PCDHGB6: variants seen among roughly 807,000 people sequenced by gnomAD.
The protein encoded by PCDHGB6 is protocadherin gamma subfamily B, 6.
A neutral mutation model predicts 59.1 loss-of-function variants in PCDHGB6; 51 were observed. The observed-to-expected ratio is 0.86, with a 90% CI of 0.69 to 1.09. PCDHGB6 has a LOEUF of 1.09. Ranked by LOEUF, PCDHGB6 falls within the 50% of genes least tolerant of loss-of-function variation. PCDHGB6 has a pLI of 0.00. For synonymous variants in PCDHGB6, 466 were observed against 495.1 expected (o/e 0.94, Z 0.78); for missense variants, 1,148 against 1,205.1 (o/e 0.95, Z 0.70).
chr5:141,428,180 C>A, intron 1 of PCDHGB6: 1 of 1,486,268 alleles, frequency 6.7e-7, no homozygotes, highest in Non-Finnish European at 9.2e-7. Flanking sequence ...TGACGGAGGA[C>A]AGCCGCCGCT....
At position 141,418,056 on chromosome 5, in the gene PCDHGB6, T is replaced by G. The variant is rs199996434; in HGVS notation, c.2418+7436T>G. ...GTCCTGGATGTGTCGGCTCGCGAGC[T>G]GCGAGTGAGCGCGGAGAAGCTGCAC... is the stretch of plus-strand genomic sequence containing the variant. On this transcript the variant is annotated intron_variant, in intron 1 of 3. Coordinates refer to ENST00000520790, the MANE Select transcript of PCDHGB6 (RefSeq NM_018926.3). 5.0e-5 allele frequency: 80 copies of G among 1,613,976 alleles called. No individual in the cohort carries two copies. The African/African-American group carries it at 7.5e-4, about 15-fold the overall frequency.
In PCDHGB6 at chr5:141,491,357, T is replaced by C; in HGVS notation, c.2419-3450T>C. 6.2e-7 allele frequency: 1 copy of C among 1,614,144 alleles called. No homozygotes were observed. Among genetic ancestry groups the C allele is most frequent in the South Asian group, 1.1e-5 (1 of 91,080 alleles). On this transcript the variant is annotated intron_variant, in intron 1 of 3. Transcript: ENST00000520790. This position sits in a 1 kb window ranked among gnomAD's most constrained non-coding sequence, Gnocchi z 6.9. ...CTAGCGACCGTCAGTCTCTTATCCCTAGTCACCTTCACCTTTCTGTCAGCG... is the reference window on the plus strand; with the variant it reads ...CTAGCGACCGTCAGTCTCTTATCCCCAGTCACCTTCACCTTTCTGTCAGCG...
chr5:141,421,782 C>A, intron 1 of PCDHGB6: 1 of 1,613,878 alleles, frequency 6.2e-7, no homozygotes, highest in Non-Finnish European at 8.5e-7. Context: ...AACTGCGGGG[C>A]AGAACGGATG....
chr5:141,435,396 G>A (rs562717014), intron 1 of PCDHGB6, among the ~76,000 whole-genome samples: 46 of 152,096 alleles, frequency 3.0e-4, no homozygotes, highest in African/African-American at 9.4e-4. Context: ...TTGCCATGAC[G>A]AAAAATGGTA....
rs374095590 is a variant in PCDHGB6, at chr5:141,431,523, T to C, written c.2418+20903T>C. On this transcript the variant is annotated intron_variant, in intron 1 of 3. Coordinates refer to ENST00000520790, the MANE Select transcript of PCDHGB6 (RefSeq NM_018926.3). This position sits in a 1 kb window ranked among gnomAD's most constrained non-coding sequence, Gnocchi z 4.8. ...TACCGCGCGAGCGTTCCGGAGAATC[T>C]GGCCTTGGGCACGCAGCTGCTTGTA... 13 of 1,613,952 alleles carry C rather than the reference T, an allele frequency of 8.1e-6. No homozygotes were observed. The African/African-American group carries it at 1.5e-4, about 18-fold the overall frequency.
rs753256077 is a variant in PCDHGB6 at position 141,431,467 on chromosome 5, C to A, written c.2418+20847C>A. On this transcript the variant is annotated intron_variant, in intron 1 of 3. Coordinates refer to ENST00000520790, the MANE Select transcript of PCDHGB6 (RefSeq NM_018926.3). The surrounding 1 kb of genome is among the most constrained non-coding windows in gnomAD (Gnocchi z 4.8). The stretch of plus-strand genomic sequence containing the variant: ...TCCGCGTGATGGTTCTGGATGCGAA[C>A]GACAACGCACCAGCGTTTGCTCAGC... 1.9e-5 allele frequency: 31 copies of A among 1,613,684 alleles called. No homozygotes were observed. The highest frequency in any genetic ancestry group is 3.4e-6 in the Non-Finnish European group (4 of 1,179,964).
In PCDHGB6 at chr5:141,489,522, C is replaced by T. The variant is rs371948070; in HGVS notation, c.2419-5285C>T. 2.5e-6 allele frequency: 4 copies of T among 1,614,088 alleles called. No individual in the cohort carries two copies. Among genetic ancestry groups the T allele is most frequent in the Non-Finnish European group, 3.4e-6 (4 of 1,180,036 alleles). On this transcript the variant is annotated intron_variant, in intron 1 of 3. Coordinates refer to ENST00000520790, the MANE Select transcript of PCDHGB6 (RefSeq NM_018926.3). The surrounding 1 kb of genome is among the most constrained non-coding windows in gnomAD (Gnocchi z 4.5). ...TGAATCAAAAGATTGACCGAGAAAG[C>T]CTATGTGGAGCCAGCACCAGCTGCC...
At chr5:141,423,712 T>C (rs1231796741) in intron 1 of PCDHGB6, 2 of 1,313,518 alleles carry the variant, frequency 1.5e-6, no homozygotes, top group Admixed American at 3.2e-5. Flanking sequence ...CACAAGTCTT[T>C]TAAGGAGATG....
Position 141,423,601 on chromosome 5 carries a change from C to T in PCDHGB6, c.2418+12981C>T, listed in dbSNP as rs372165060. On this transcript the variant is annotated intron_variant, in intron 1 of 3. Transcript: ENST00000520790. The stretch of plus-strand genomic sequence containing the variant: ...GGAGAGCTGTGAGAAAAGCGAGCCA[C>T]TCTTGATAGCTGAAGACTCAGCTAT... The T allele has an allele frequency of 1.9e-6, 3 of 1,612,586 alleles. No homozygotes were observed. Among genetic ancestry groups the T allele is most frequent in the Admixed American group, 1.7e-5 (1 of 59,924 alleles).
At chr5:141,421,767 C>T in intron 1 of PCDHGB6, 2 of 1,613,906 alleles carry the variant, frequency 1.2e-6, no homozygotes, top group South Asian at 1.1e-5. Context: ...ATTACTTTTC[C>T]TTGCAACTGC....
At position 141,491,369 on chromosome 5, in the gene PCDHGB6, CCTTT is replaced by C; in HGVS notation, c.2419-3435_2419-3432del. ...AGTCTCTTATCCCTAGTCACCTTCACCTTTCTGTCAGCGAAGTGCCTTCAGGGAA... is the reference window on the plus strand; with the variant it reads ...AGTCTCTTATCCCTAGTCACCTTCACCTGTCAGCGAAGTGCCTTCAGGGAA... On this transcript the variant is annotated intron_variant, in intron 1 of 3. Transcript: ENST00000520790. The surrounding 1 kb of genome is among the most constrained non-coding windows in gnomAD (Gnocchi z 6.9). 1 of 1,614,110 alleles carries C rather than the reference CCTTT, an allele frequency of 6.2e-7. No individual in the cohort carries two copies. Among genetic ancestry groups the C allele is most frequent in the Non-Finnish European group, 8.5e-7 (1 of 1,179,996 alleles).
chr5:141,429,638 A>G (rs2097231013), intron 1 of PCDHGB6, among the ~76,000 whole-genome samples: 1 of 152,238 alleles, frequency 6.6e-6, no homozygotes, highest in African/African-American at 2.4e-5. Flanking sequence ...ACAGCTACCT[A>G]TATATTTCTT....
At chr5:141,465,644 A>G (rs1320011410) in intron 1 of PCDHGB6, among the ~76,000 whole-genome samples, 2 of 152,186 alleles carry the variant, frequency 1.3e-5, no homozygotes, top group African/African-American at 4.8e-5. Context: ...TGCTTTGAAC[A>G]TCCCAAAAAA....
Position 141,486,955 on chromosome 5 carries a change from T to A in PCDHGB6, c.2419-7852T>A, listed in dbSNP as rs1459820579. 1.9e-6 allele frequency: 3 copies of A among 1,614,128 alleles called. No individual in the cohort carries two copies. The highest frequency in any genetic ancestry group is 2.5e-6 in the Non-Finnish European group (3 of 1,180,048). ...CTGGCCACCTAATCACAAAGGTGACTGCTGTGGACTTGGATTCAGGTTACA... is the reference window on the plus strand; with the variant it reads ...CTGGCCACCTAATCACAAAGGTGACAGCTGTGGACTTGGATTCAGGTTACA... On this transcript the variant is annotated intron_variant, in intron 1 of 3. Coordinates refer to ENST00000520790, the MANE Select transcript of PCDHGB6 (RefSeq NM_018926.3). This position sits in a 1 kb window ranked among gnomAD's most constrained non-coding sequence, Gnocchi z 5.0.
intron 1 of PCDHGB6, among the ~76,000 whole-genome samples, chr5:141,438,511 C>G (rs1436337566): frequency 6.8e-6 from 1 of 146,550 alleles, no homozygotes; most frequent in Non-Finnish European, 1.5e-5. Context: ...AGTGCAAAAC[C>G]AATTATTTTA....
At chr5:141,410,804 T>A in intron 1 of PCDHGB6, 184 bp downstream of exon 1, 1 of 674,100 alleles carries the variant, frequency 1.5e-6, no homozygotes, top group Non-Finnish European at 2.3e-6. Flanking sequence ...TTGCTCTATC[T>A]TTTTGTAAAA....
chr5:141,433,703 G>T (rs1561871157), intron 1 of PCDHGB6, among the ~76,000 whole-genome samples: 1 of 152,098 alleles, frequency 6.6e-6, no homozygotes, highest in Non-Finnish European at 1.5e-5. Flanking sequence ...CGGGCGTGGT[G>T]GTGCATGTCT....
chr5:141,424,169 A>G (rs542346399), intron 1 of PCDHGB6: 20 of 225,850 alleles, frequency 8.9e-5, no homozygotes, highest in Middle Eastern at 2.3e-3. Context: ...TCATCTATCT[A>G]TCTATACACA....
In PCDHGB6 at chr5:141,460,596, C is replaced by A. The variant is rs930441447; in HGVS notation, c.2419-34211C>A. On this transcript the variant is annotated intron_variant, in intron 1 of 3. Transcript: ENST00000520790. ...TGTAGGTGTGGGTTTTTTCTGGGCT[C>A]TCTGTGTTAGATGGATAGATAGACA... Among the ~76,000 whole-genome samples the A allele has an allele frequency of 1.3e-5, 2 of 151,986 alleles. 1 individual carries two copies. The highest frequency in any genetic ancestry group is 4.1e-4 in the South Asian group (2 of 4,824).
Sources: allele counts gnomAD v4.1 joint callset (sites outside exome capture counted in the v4.1 genomes callset), GRCh38; gene constraint gnomAD v4.1.1; non-coding constraint Gnocchi (gnomAD v3.1); transcripts MANE v1.5; gene names NCBI Gene and HGNC (gene_info 2026-07-23, HGNC 2026-07-21).